KCND3: variants seen among roughly 807,000 people sequenced by gnomAD.
KCND3 encodes the protein potassium voltage-gated channel subfamily D member 3.
In KCND3, 9 loss-of-function variants were observed where a neutral mutation model predicts 51.1. That is an observed-to-expected ratio of 0.18 (90% confidence interval 0.11 to 0.31). KCND3 has a LOEUF of 0.31. KCND3 is among the 10% of genes least tolerant of loss of function. The pLI, the probability that KCND3 is intolerant of heterozygous loss-of-function variation, is 1.00. For synonymous variants in KCND3, 349 were observed against 368.0 expected (o/e 0.95, Z 0.59); for missense variants, 526 against 903.8 (o/e 0.58, Z 5.36).
chr1:111,796,269 A>G lies in KCND3; in HGVS notation c.1107-9163T>C, dbSNP rs72980124. Among the ~76,000 whole-genome samples, 659 of 152,200 alleles carry G rather than the reference A, an allele frequency of 4.3e-3. 5 individuals are homozygous for G. The highest frequency in any genetic ancestry group is 0.015 in the African/African-American group (635 of 41,504). On this transcript the variant is annotated intron_variant, in intron 2 of 7. Coordinates refer to ENST00000302127, the MANE Select transcript of KCND3 (RefSeq NM_001378969.1). ...TGTCATGAAATCTTTGCTTGTTCCT[A>G]TGTCCGGAGTGGTATTGCCTAGGTT...
chr1:111,966,478 C>T (rs7514018), intron 2 of KCND3, among the ~76,000 whole-genome samples: 3,336 of 152,148 alleles, frequency 0.022, 118 homozygotes, highest in African/African-American at 0.076. Context: ...TCTGCTTACC[C>T]CCATAACCCA....
chr1:111,784,103 T>TCTCACACACACACACA (rs1553236798), intron 3 of KCND3, among the ~76,000 whole-genome samples: 7 of 117,484 alleles, frequency 6.0e-5, no homozygotes, highest in African/African-American at 1.7e-4. Flanking sequence ...CATTAACTTA[T>TCTCACACACACACACA]CACACACACA....
intron 2 of KCND3, among the ~76,000 whole-genome samples, chr1:111,796,753 C>T (rs940729007): frequency 2.0e-5 from 3 of 152,166 alleles, no homozygotes; most frequent in Non-Finnish European, 1.5e-5. Flanking sequence ...AACAAAAGAA[C>T]AGCCTTGAGA....
intron 2 of KCND3, among the ~76,000 whole-genome samples, chr1:111,829,222 C>T (rs573513002): frequency 2.6e-5 from 4 of 152,136 alleles, no homozygotes; most frequent in East Asian, 3.9e-4. Flanking sequence ...GGATATGGGG[C>T]GACCTAAAAT....
At chr1:111,937,104 G>T (rs1467005434) in intron 2 of KCND3, among the ~76,000 whole-genome samples, 1 of 152,176 alleles carries the variant, frequency 6.6e-6, no homozygotes, top group African/African-American at 2.4e-5. Flanking sequence ...TGTGGGGAGA[G>T]GGAGTTGTCT....
intron 2 of KCND3, among the ~76,000 whole-genome samples, chr1:111,839,059 A>C (rs1419846615): frequency 6.6e-6 from 1 of 152,206 alleles, no homozygotes; most frequent in Non-Finnish European, 1.5e-5. Flanking sequence ...AGTGCACACA[A>C]ACAATCTATT....
chr1:111,897,614 A>G (rs923517755), intron 2 of KCND3, among the ~76,000 whole-genome samples: 6 of 152,188 alleles, frequency 3.9e-5, no homozygotes, highest in African/African-American at 1.2e-4. Context: ...CAGGGCATGC[A>G]GGTCTGAGGG....
chr1:111,875,111 AAGG>A (rs1444419232), intron 2 of KCND3, among the ~76,000 whole-genome samples: 1 of 152,232 alleles, frequency 6.6e-6, no homozygotes, highest in African/African-American at 2.4e-5. Context: ...CACTTTTTCA[AAGG>A]AGGAGGGTTG....
At chr1:111,837,803 G>T (rs970782504) in intron 2 of KCND3, among the ~76,000 whole-genome samples, 4 of 152,008 alleles carry the variant, frequency 2.6e-5, no homozygotes, top group Non-Finnish European at 5.9e-5. Flanking sequence ...TACTACCCTC[G>T]CCCCTCTAGA....
At chr1:111,893,636 T>G (rs1024358897) in intron 2 of KCND3, among the ~76,000 whole-genome samples, 3 of 152,194 alleles carry the variant, frequency 2.0e-5, no homozygotes, top group Admixed American at 1.3e-4. Context: ...CTCTGTTAGG[T>G]GCTCCCTGGG....
intron 2 of KCND3, among the ~76,000 whole-genome samples, chr1:111,832,539 C>A (rs1666882185): frequency 6.6e-6 from 1 of 152,142 alleles, no homozygotes; most frequent in Admixed American, 6.5e-5. Flanking sequence ...CTCTGATGCC[C>A]CTTCCCTAAA....
intron 2 of KCND3, among the ~76,000 whole-genome samples, chr1:111,880,384 C>A (rs972461948): frequency 4.6e-5 from 7 of 152,064 alleles, no homozygotes; most frequent in Non-Finnish European, 1.0e-4. Context: ...CAGGGTGGGG[C>A]GCCATGGAGA....
At chr1:111,865,409 A>G (rs1383276618) in intron 2 of KCND3, among the ~76,000 whole-genome samples, 1 of 152,196 alleles carries the variant, frequency 6.6e-6, no homozygotes, top group Non-Finnish European at 1.5e-5. Context: ...TTACATTTAA[A>G]TGATTCCCAA....
intron 2 of KCND3, chr1:111,853,928 G>C (rs1667939645): frequency 6.6e-6 from 1 of 152,250 alleles, no homozygotes; most frequent in Non-Finnish European, 1.5e-5. Context: ...ATAGTTATGA[G>C]AGATGAGGCT....
At chr1:111,778,347 G>A in intron 6 of KCND3, 89 bp downstream of exon 6, 1 of 1,242,872 alleles carries the variant, frequency 8.0e-7, no homozygotes. Context: ...CACATGCACA[G>A]AACCAGGCCG....
At chr1:111,798,145 C>T (rs1212077618) in intron 2 of KCND3, among the ~76,000 whole-genome samples, 4 of 152,178 alleles carry the variant, frequency 2.6e-5, no homozygotes, top group Admixed American at 1.3e-4. Flanking sequence ...GGGGCAGCCC[C>T]TTCCATCTCT....
At chr1:111,922,664 C>T (rs183556864) in intron 2 of KCND3, among the ~76,000 whole-genome samples, 28 of 152,300 alleles carry the variant, frequency 1.8e-4, no homozygotes, top group Admixed American at 9.8e-4. Context: ...TGTAAGGGCT[C>T]TGAACAGTAC....
chr1:111,977,077 T>C (rs932955415), intron 2 of KCND3, among the ~76,000 whole-genome samples: 1 of 152,216 alleles, frequency 6.6e-6, no homozygotes, highest in Non-Finnish European at 1.5e-5. Flanking sequence ...TTGTTCCCAA[T>C]AGGTGTCCTA....
At chr1:111,915,476 G>GGC (rs1671153388) in intron 2 of KCND3, among the ~76,000 whole-genome samples, 1 of 152,076 alleles carries the variant, frequency 6.6e-6, no homozygotes, top group South Asian at 2.1e-4. Context: ...CTGGAGGCCG[G>GGC]GTGCAGTGGC....
Sources: gnomAD v4.1 joint callset for allele counts (sites outside exome capture counted in the v4.1 genomes callset) on GRCh38, gnomAD v4.1.1 for gene constraint, MANE v1.5 for transcripts, NCBI Gene and HGNC (gene_info 2026-07-23, HGNC 2026-07-21) for gene names.